RHBDL3: variants seen among roughly 807,000 people sequenced by gnomAD.
RHBDL3 encodes rhomboid like 3, also known as rhomboid-related protein 3.
RHBDL3 carries 28 observed loss-of-function variants against 48.2 expected under a neutral mutation model. That is an observed-to-expected ratio of 0.58 (90% CI 0.43 to 0.80). RHBDL3 has a LOEUF of 0.80. Ranked by LOEUF, RHBDL3 falls within the 30% of genes least tolerant of loss-of-function variation. The pLI, the probability that RHBDL3 is intolerant of heterozygous loss-of-function variation, is 0.00. For synonymous variants in RHBDL3, 208 were observed against 232.3 expected (o/e 0.90, Z 0.95); for missense variants, 464 against 542.7 (o/e 0.85, Z 1.44).
At chr17:32,294,493 G>A in intron 5 of RHBDL3, 51 bp downstream of exon 5, 1 of 1,544,112 alleles carries the variant, frequency 6.5e-7, no homozygotes, top group Non-Finnish European at 8.8e-7. Flanking sequence ...AGAAAAATAA[G>A]TGGTCAAGAT....
intron 2 of RHBDL3, among the ~76,000 whole-genome samples, chr17:32,277,664 T>C (rs2039947258): frequency 6.6e-6 from 1 of 152,194 alleles, no homozygotes; most frequent in Admixed American, 6.5e-5. Context: ...CGGAGACCTA[T>C]GCTACTCATG....
Position 32,298,094 on chromosome 17 carries a change from T to G in RHBDL3, c.671T>G (p.Ile224Arg). The G allele has an allele frequency of 1.2e-6, 2 of 1,604,910 alleles. No homozygotes were observed. The highest frequency in any genetic ancestry group is 1.7e-6 in the Non-Finnish European group (2 of 1,171,786). Residue 224 changes from isoleucine (I) to arginine (R), a missense_variant and splice_region_variant, in exon 6 of 9, where the codon ATA (isoleucine) becomes AGA (arginine). Transcript: ENST00000269051. ...YLTYIFMHAG[I>R]EHLGLNVVLQ... ...TGAGTGTGGTCTCTCTGTCACAGGA[T>G]AGAACACCTGGGACTCAATGTGGTG... is the stretch of plus-strand genomic sequence containing the variant.
intron 2 of RHBDL3, among the ~76,000 whole-genome samples, chr17:32,270,654 C>T (rs2039750090): frequency 6.6e-6 from 1 of 152,062 alleles, no homozygotes; most frequent in South Asian, 2.1e-4. Context: ...GTTAGCAGGG[C>T]CAATCCATGC....
At chr17:32,313,347 C>A (rs2040888191) in intron 7 of RHBDL3, among the ~76,000 whole-genome samples, 1 of 152,108 alleles carries the variant, frequency 6.6e-6, no homozygotes, top group Non-Finnish European at 1.5e-5. Context: ...CAGAGTGAAA[C>A]CCTGTCTCTT....
chr17:32,297,978 G>A, intron 5 of RHBDL3, 114 bp from the exon 6 acceptor site: 1 of 734,268 alleles, frequency 1.4e-6, no homozygotes, highest in Non-Finnish European at 2.4e-6. Flanking sequence ...AGGCAGAGGT[G>A]GTCTTGTTCA....
intron 6 of RHBDL3, among the ~76,000 whole-genome samples, chr17:32,301,171 C>T (rs1482806818): frequency 2.0e-5 from 3 of 151,898 alleles, no homozygotes; most frequent in Non-Finnish European, 2.9e-5. Context: ...TGAGCCACTG[C>T]GCCTGGCAGC....
At position 32,288,877 on chromosome 17, in the gene RHBDL3, A is replaced by C. The variant is rs1228508195; in HGVS notation, c.380A>C (p.Lys127Thr). The C allele has an allele frequency of 1.9e-6, 3 of 1,614,218 alleles. No homozygotes were observed. In the South Asian group the frequency reaches 3.3e-5, roughly 18 times the overall value. Residue 127 changes from lysine to threonine, a missense_variant, in exon 4 of 9, where the codon AAG becomes ACG. By Grantham distance (78) the Lys-to-Thr change is moderately conservative. Coordinates refer to ENST00000269051, the MANE Select transcript of RHBDL3 (RefSeq NM_138328.3). Reference protein sequence around the residue: ...RLSSKALLEEKGLSLSQRLIR... With the variant: ...RLSSKALLEETGLSLSQRLIR... ...AGCAGCAAGGCCCTGCTGGAGGAGAAGGGGCTGAGCCTCTCGCAGCGACTT... is the reference window on the plus strand; with the variant it reads ...AGCAGCAAGGCCCTGCTGGAGGAGACGGGGCTGAGCCTCTCGCAGCGACTT...
At chr17:32,318,335 AAAAAG>A (rs753565855) in intron 8 of RHBDL3, among the ~76,000 whole-genome samples, 40 of 141,508 alleles carry the variant, frequency 2.8e-4, no homozygotes, top group East Asian at 9.9e-4. Context: ...TAAAAAAAAA[AAAAAG>A]AAAAGAAAAG....
chr17:32,275,877 G>A (rs572480042), intron 2 of RHBDL3, among the ~76,000 whole-genome samples: 12 of 152,268 alleles, frequency 7.9e-5, no homozygotes, highest in African/African-American at 2.6e-4. Flanking sequence ...TCAGGGGCCT[G>A]GCCTGGCCAG....
In RHBDL3 at chr17:32,324,595, T is replaced by A. The variant is rs1430141010; in HGVS notation, c.*3366T>A. Reference sequence around the variant, plus strand: ...GTATTTTTGTATTGTGTACATTCTGTATATTTTTGTTGTAACATATTATTT... The same window carrying A: ...GTATTTTTGTATTGTGTACATTCTGAATATTTTTGTTGTAACATATTATTT... On this transcript the variant is annotated 3_prime_UTR_variant, in exon 9 of 9. Coordinates refer to ENST00000269051, the MANE Select transcript of RHBDL3 (RefSeq NM_138328.3). The A allele has an allele frequency of 6.6e-6, 1 of 152,478 alleles. No homozygotes were observed. Among genetic ancestry groups the A allele is most frequent in the Non-Finnish European group, 1.5e-5 (1 of 68,052 alleles). The allele number at this position is 152,478 out of a possible 1,614,324, so 9.4% of individuals were successfully genotyped here.
At position 32,283,612 on chromosome 17, in the gene RHBDL3, T is replaced by C. The variant is rs530125280; in HGVS notation, c.136-1047T>C. On this transcript the variant is annotated intron_variant, in intron 2 of 8. Transcript: ENST00000269051. ...TGCTGGGATTACAGGCTTGAGCCAC[T>C]GCGCCTGGCCCGATCCTGCCTTTTC... Among the ~76,000 whole-genome samples, 124 of 152,158 alleles carry C rather than the reference T, an allele frequency of 8.1e-4. 1 individual carries two copies. Among genetic ancestry groups the C allele is most frequent in the South Asian group, 3.7e-3 (18 of 4,810 alleles).
chr17:32,266,109 G>A lies in RHBDL3; in HGVS notation c.-81G>A, dbSNP rs112126038. The A allele has an allele frequency of 2.8e-6, 1 of 357,484 alleles. No homozygotes were observed. Among genetic ancestry groups the A allele is most frequent in the Non-Finnish European group, 4.0e-6 (1 of 252,664 alleles). The allele number at this position is 357,484 out of a possible 1,614,324, so 22.1% of individuals were successfully genotyped here. ...GCGCGCACTGAGCCCCTGGAGCGGC[G>A]CGGCCGCCGCGGCGCAAAGTTAGCC... On this transcript the variant is annotated 5_prime_UTR_variant, in exon 1 of 9. Coordinates refer to ENST00000269051, the MANE Select transcript of RHBDL3 (RefSeq NM_138328.3).
intron 7 of RHBDL3, among the ~76,000 whole-genome samples, chr17:32,307,122 C>A (rs927485487): frequency 6.6e-6 from 1 of 151,998 alleles, no homozygotes; most frequent in Non-Finnish European, 1.5e-5. Context: ...TTTTTGGAGG[C>A]GGTCTGAAGT....
intron 4 of RHBDL3, among the ~76,000 whole-genome samples, chr17:32,290,782 C>A (rs1394554962): frequency 6.6e-6 from 1 of 152,080 alleles, no homozygotes; most frequent in African/African-American, 2.4e-5. Context: ...GTGGGAGGAT[C>A]TCTTGAGCCC....
chr17:32,283,615 G>A (rs949551120), intron 2 of RHBDL3, among the ~76,000 whole-genome samples: 11 of 152,066 alleles, frequency 7.2e-5, no homozygotes, highest in Admixed American at 1.3e-4. Context: ...GAGCCACTGC[G>A]CCTGGCCCGA....
rs559422433 is a variant in RHBDL3, at chr17:32,313,751, C to CTTTTTTTTT, written c.883-2465_883-2457dup. 1.1e-4 allele frequency among the ~76,000 whole-genome samples: 11 copies of CTTTTTTTTT among 98,630 alleles called. 1 individual carries two copies. Among genetic ancestry groups the CTTTTTTTTT allele is most frequent in the Non-Finnish European group, 2.1e-4 (11 of 52,276 alleles). The allele number at this position is 98,630 out of a possible 152,430, so 64.7% of individuals were successfully genotyped here. ...TGTAACATGGGTCAGAATTCCCTCC[C>CTTTTTTTTT]TTTTTTTTTTTTTTTTTTTTTTTTG... is the stretch of plus-strand genomic sequence containing the variant. On this transcript the variant is annotated intron_variant, in intron 7 of 8. Coordinates refer to ENST00000269051, the MANE Select transcript of RHBDL3 (RefSeq NM_138328.3).
intron 7 of RHBDL3, among the ~76,000 whole-genome samples, chr17:32,308,621 A>T (rs1036955360): frequency 6.6e-6 from 1 of 152,206 alleles, no homozygotes; most frequent in African/African-American, 2.4e-5. Flanking sequence ...CTCAAAAAAA[A>T]GAAAGAAAGA....
At chr17:32,286,768 G>A (rs1447013106) in intron 3 of RHBDL3, among the ~76,000 whole-genome samples, 2 of 152,174 alleles carry the variant, frequency 1.3e-5, no homozygotes, top group East Asian at 1.9e-4. Flanking sequence ...TGAGCAACCC[G>A]GGTAGTCGTG....
At chr17:32,314,089 T>A (rs1174239841) in intron 7 of RHBDL3, among the ~76,000 whole-genome samples, 1 of 151,636 alleles carries the variant, frequency 6.6e-6, no homozygotes, top group Non-Finnish European at 1.5e-5. Flanking sequence ...TATGTATATA[T>A]CAGCAGGTGA....
Sources: gnomAD v4.1 joint callset for allele counts (sites outside exome capture counted in the v4.1 genomes callset) on GRCh38, gnomAD v4.1.1 for gene constraint, MANE v1.5 for transcripts, NCBI Gene and HGNC (gene_info 2026-07-23, HGNC 2026-07-21) for gene names.